The following GRIN2C variants were observed in gnomAD, a reference collection of about 807,000 sequenced individuals.
The protein encoded by GRIN2C is glutamate receptor ionotropic, NMDA 2C.
Under a neutral mutation model 77.7 loss-of-function variants are expected in GRIN2C, and 64 were observed. That is an observed-to-expected ratio of 0.82 (90% CI 0.67 to 1.01). The LOEUF (loss-of-function observed/expected upper bound fraction) is 1.01. Among genes scored for constraint, GRIN2C ranks in the 50% least tolerant of loss-of-function variants. The pLI is 0.00. For synonymous variants in GRIN2C, 792 were observed against 643.4 expected, an observed-to-expected ratio of 1.23 and a Z score of -3.49; for missense variants, 1,549 against 1,486.0, an observed-to-expected ratio of 1.04 and a Z score of -0.70.
upstream of GRIN2C, chr17:74,861,335 C>G (rs2037949381): frequency 6.6e-6 from 1 of 152,210 alleles, no homozygotes; most frequent in South Asian, 2.1e-4. Context: ...GGTGTCCCGC[C>G]TCTGTCTCCG....
In GRIN2C at chr17:74,842,033, G is replaced by A; in HGVS notation, c.*402C>T. On this transcript the variant is annotated 3_prime_UTR_variant, in exon 13 of 13. Coordinates refer to ENST00000293190, the MANE Select transcript of GRIN2C (RefSeq NM_000835.6). ...CAGCCAGGACCAGTGTGTTGTAAAA[G>A]GTTGGTTTAATGTCCCAGTGCTCTG... The A allele has an allele frequency of 5.0e-6, 1 of 199,638 alleles. No homozygotes were observed. Among genetic ancestry groups the A allele is most frequent in the Non-Finnish European group, 1.0e-5 (1 of 99,138 alleles). The allele number at this position is 199,638 out of a possible 1,614,324, so 12.4% of individuals were successfully genotyped here. A position where few individuals can be genotyped will look rare whatever the true frequency, so the allele number is the denominator to read the frequency against.
intron 3 of GRIN2C, 79 bp downstream of exon 3, chr17:74,851,934 C>T: frequency 2.6e-6 from 3 of 1,145,686 alleles, no homozygotes; most frequent in Non-Finnish European, 2.4e-6. Flanking sequence ...GTGTGGCTGG[C>T]CAGCCCAAAC....
chr17:74,851,461 GGAA>G (rs2144592545), intron 4 of GRIN2C, 113 bp downstream of exon 4: 1 of 644,124 alleles, frequency 1.6e-6, no homozygotes, highest in African/African-American at 1.8e-5. Flanking sequence ...GCTGAGACCT[GGAA>G]GATGAGGGGT....
Position 74,843,226 on chromosome 17 carries a change from C to G in GRIN2C, c.2911G>C (p.Val971Leu), listed in dbSNP as rs991838701. Residue 971 changes from valine to leucine, a missense_variant, in exon 13 of 13, where the codon GTG becomes CTG. Around this residue, in one of 3 missense-constraint regions of GRIN2C, gnomAD observed 450 missense variants for 267.9 expected, o/e 1.68. Transcript: ENST00000293190. ...CCCGGGGGCTGCGGAGCCCTGCGCA[C>G]AAGCGCCGCGCGACCCCCGTCTGGC... ...GPPDGGRAAL[V>L]RRAPQPPGRP... 8.5e-5 allele frequency: 50 copies of G among 590,686 alleles called. No individual in the cohort carries two copies. The highest frequency in any genetic ancestry group is 1.2e-4 in the Non-Finnish European group (46 of 381,400). 36.6% of individuals were successfully genotyped at this position (590,686 alleles called of 1,614,324 possible).
intron 12 of GRIN2C, chr17:74,844,050 T>G (rs918523212): frequency 1.5e-5 from 13 of 857,644 alleles, no homozygotes; most frequent in Non-Finnish European, 2.1e-5. Flanking sequence ...ATTCTTTTAT[T>G]TTCTGTAGAG....
At position 74,842,504 on chromosome 17, in the gene GRIN2C, G is replaced by A. The variant is rs779822724; in HGVS notation, c.3633C>T (p.Ala1211=). 5.1e-6 allele frequency: 4 copies of A among 779,102 alleles called. No homozygotes were observed. The highest frequency in any genetic ancestry group is 1.7e-5 in the African/African-American group (1 of 59,092). 48.3% of individuals were successfully genotyped at this position (779,102 alleles called of 1,614,324 possible). A position where few individuals can be genotyped will look rare whatever the true frequency, so the allele number is the denominator to read the frequency against. ...GTCCCGGGAAGCCTTGCGTCCCACG[G>A]GCTACCCTGCTGATCTCGTCCAGTC... ...SGGLDEISRV[A]RGTQGFPGPC... Residue 1211 remains alanine, a synonymous_variant, in exon 13 of 13, where the codon GCC becomes GCT. Transcript: ENST00000293190.
At chr17:74,852,713 C>A (rs1401005773) in intron 2 of GRIN2C, 102 bp from the exon 3 acceptor site, 22 of 541,020 alleles carry the variant, frequency 4.1e-5, no homozygotes, top group Non-Finnish European at 6.4e-5. Context: ...GCCCTTGCGC[C>A]GGCGGATGCT....
Position 74,846,279 on chromosome 17 carries a change from T to A in GRIN2C, c.2163-26A>T, listed in dbSNP as rs371882654. The A allele has an allele frequency of 5.0e-6, 8 of 1,607,536 alleles. No homozygotes were observed. The highest frequency in any genetic ancestry group is 6.8e-6 in the Non-Finnish European group (8 of 1,174,530). ...CTGGGGACAGGCTGAGCCTCAGAGC[T>A]AGGGACCATATGGGAGGGGAGGGGA... is the stretch of plus-strand genomic sequence containing the variant. On this transcript the variant is annotated intron_variant, in intron 10 of 12. Transcript: ENST00000293190. This position sits in a 1 kb window ranked among gnomAD's most constrained non-coding sequence, Gnocchi z 4.4.
chr17:74,842,352 A>G lies in GRIN2C; in HGVS notation c.*83T>C. ...GCCAGGATTTCATGGCAGAAGCCAG[A>G]AAAGCCCAATCCTGCCTGCCGCTTA... On this transcript the variant is annotated 3_prime_UTR_variant, in exon 13 of 13. Transcript: ENST00000293190. The G allele has an allele frequency of 1.5e-6, 1 of 687,374 alleles. No homozygotes were observed. The highest frequency in any genetic ancestry group is 2.7e-6 in the Non-Finnish European group (1 of 374,016). The allele number at this position is 687,374 out of a possible 1,614,324, so 42.6% of individuals were successfully genotyped here.
At position 74,851,695 on chromosome 17, in the gene GRIN2C, C is replaced by T. The variant is rs1231510778; in HGVS notation, c.999-4G>A. Reference sequence around the variant, plus strand: ...CCAGGTGACATTCAGTAGGTGCCTGCCAGAGGGGAGAGATGCCTGCAGCCC... The same window carrying T: ...CCAGGTGACATTCAGTAGGTGCCTGTCAGAGGGGAGAGATGCCTGCAGCCC... On this transcript the variant is annotated splice_region_variant and splice_polypyrimidine_tract_variant and intron_variant, in intron 3 of 12. Coordinates refer to ENST00000293190, the MANE Select transcript of GRIN2C (RefSeq NM_000835.6). The T allele has an allele frequency of 9.8e-6, 15 of 1,532,698 alleles. No homozygotes were observed. The allele number at this position is 1,532,698 out of a possible 1,614,324, so 94.9% of individuals were successfully genotyped here.
rs138691824 is a variant in GRIN2C, at chr17:74,850,320, G to A, written c.1377C>T (p.Ile459=). The A allele has an allele frequency of 4.1e-4, 668 of 1,613,760 alleles. 6 individuals carry two copies. In the African/African-American group the frequency reaches 7.7e-3, roughly 19 times the overall value. The part of the protein sequence containing the change: ...YTKLCCKGFC[I]DILKKLARVV... Reference sequence around the variant, plus strand: ...CTCTGGCCAGCTTCTTGAGGATGTCGATGCAGAATCCCTTACAGCAGAGCT... The same window carrying A: ...CTCTGGCCAGCTTCTTGAGGATGTCAATGCAGAATCCCTTACAGCAGAGCT... The change falls in exon 6 of 13, where the codon ATC becomes ATT. Residue 459 remains isoleucine, a synonymous_variant. Transcript: ENST00000293190. The surrounding 1 kb of genome is among the most constrained non-coding windows in gnomAD (Gnocchi z 5.3).
intron 3 of GRIN2C, 91 bp downstream of exon 3, chr17:74,851,922 A>G: frequency 1.1e-6 from 1 of 948,574 alleles, no homozygotes; most frequent in Non-Finnish European, 1.5e-6. Context: ...AGCTAGTGGG[A>G]GGTGTGGCTG....
rs918185418 is a variant in GRIN2C at position 74,850,087 on chromosome 17, C to T, written c.1491+119G>A. 16 of 1,354,392 alleles carry T rather than the reference C, an allele frequency of 1.2e-5. No individual in the cohort carries two copies. In the African/African-American group the frequency reaches 2.0e-4, roughly 17 times the overall value. 83.9% of individuals were successfully genotyped at this position (1,354,392 alleles called of 1,614,324 possible). On this transcript the variant is annotated intron_variant, in intron 6 of 12. Transcript: ENST00000293190. This position sits in a 1 kb window ranked among gnomAD's most constrained non-coding sequence, Gnocchi z 5.3. ...GCTCAGCTTTCAGTACTGACCACCCCAGGAGTCATCATTGGTGACAGCCCA... is the reference window on the plus strand; with the variant it reads ...GCTCAGCTTTCAGTACTGACCACCCTAGGAGTCATCATTGGTGACAGCCCA...
intron 7 of GRIN2C, among the ~76,000 whole-genome samples, chr17:74,848,846 G>C (rs1391432833): frequency 6.6e-6 from 1 of 152,068 alleles, no homozygotes; most frequent in Non-Finnish European, 1.5e-5. Context: ...GTGAAAACCT[G>C]TCTCTACACA....
rs1427248568 is a variant in GRIN2C at position 74,843,392 on chromosome 17, G to A, written c.2745C>T (p.Arg915=). The part of the protein sequence containing the change: ...TTAGVSSSLD[R]ATRTIENWGG... ...CCCAATTCTCGATGGTGCGAGTGGC[G>A]CGGTCCAGGGAGCTGCTTACGCCCG... Residue 915 remains arginine, a synonymous_variant, in exon 13 of 13, where the codon CGC becomes CGT. Transcript: ENST00000293190. 2.6e-6 allele frequency: 4 copies of A among 1,533,564 alleles called. No individual in the cohort carries two copies. Among genetic ancestry groups the A allele is most frequent in the East Asian group, 2.5e-5 (1 of 40,756 alleles). The allele number at this position is 1,533,564 out of a possible 1,614,324, so 95.0% of individuals were successfully genotyped here.
Position 74,842,503 on chromosome 17 carries a change from G to A in GRIN2C, c.3634C>T (p.Arg1212Cys), listed in dbSNP as rs149835650. 10 of 779,002 alleles carry A rather than the reference G, an allele frequency of 1.3e-5. No homozygotes were observed. The African/African-American group carries it at 1.7e-4, about 13-fold the overall frequency. 48.3% of individuals were successfully genotyped at this position (779,002 alleles called of 1,614,324 possible). Residue 1212 changes from arginine (R) to cysteine (C), a missense_variant, in exon 13 of 13, where the codon CGT becomes TGT. Coordinates refer to ENST00000293190, the MANE Select transcript of GRIN2C (RefSeq NM_000835.6). ...GGTCCCGGGAAGCCTTGCGTCCCAC[G>A]GGCTACCCTGCTGATCTCGTCCAGT... ...GGLDEISRVARGTQGFPGPCT... is the reference protein window; with the variant it reads ...GGLDEISRVACGTQGFPGPCT...
chr17:74,852,022 G>T lies in GRIN2C; in HGVS notation c.989C>A (p.Ala330Asp). Reference protein sequence around the residue: ...HPGPVSPAREAFYRHLLNVTW... With the variant: ...HPGPVSPAREDFYRHLLNVTW... The stretch of plus-strand genomic sequence containing the variant: ...CCGGGCAGGTGCCCACCTGTAGAAG[G>T]CCTCCCGGGCAGGGCTGACGGGCCC... The change falls in exon 3 of 13, where the codon GCC becomes GAC. Residue 330 changes from alanine to aspartate, a missense_variant. Coordinates refer to ENST00000293190, the MANE Select transcript of GRIN2C (RefSeq NM_000835.6). The T allele has an allele frequency of 6.8e-7, 1 of 1,464,060 alleles. No homozygotes were observed. Among genetic ancestry groups the T allele is most frequent in the African/African-American group, 1.4e-5 (1 of 69,356 alleles). 90.7% of individuals were successfully genotyped at this position (1,464,060 alleles called of 1,614,324 possible).
At chr17:74,854,364 GC>G in intron 2 of GRIN2C, 1 of 273,806 alleles carries the variant, frequency 3.7e-6, no homozygotes. Context: ...CCACCTCCAT[GC>G]CCGGCTGGCC....
chr17:74,847,272 G>GGCCC lies in GRIN2C; in HGVS notation c.2001+35_2001+36insGGGC. On this transcript the variant is annotated intron_variant, in intron 9 of 12. Coordinates refer to ENST00000293190, the MANE Select transcript of GRIN2C (RefSeq NM_000835.6). This position sits in a 1 kb window ranked among gnomAD's most constrained non-coding sequence, Gnocchi z 5.2. ...CTCACGGCCTGTCCCCACCCTCAGTGCCCCCCCCCACCCCCAGCAGCTATG... is the reference window on the plus strand; with the variant it reads ...CTCACGGCCTGTCCCCACCCTCAGTGGCCCCCCCCCCCCACCCCCAGCAGCTATG... 6.4e-5 allele frequency: 44 copies of GGCCC among 692,236 alleles called. No individual in the cohort carries two copies. Among genetic ancestry groups the GGCCC allele is most frequent in the Non-Finnish European group, 7.0e-5 (27 of 384,348 alleles). The allele number at this position is 692,236 out of a possible 1,614,324, so 42.9% of individuals were successfully genotyped here. A position where few individuals can be genotyped will look rare whatever the true frequency, so the allele number is the denominator to read the frequency against.
Sources: gnomAD v4.1 joint callset for allele counts (sites outside exome capture counted in the v4.1 genomes callset) on GRCh38, gnomAD v4.1.1 for gene constraint, gnomAD v4.1.1 regional missense constraint, Gnocchi (gnomAD v3.1) non-coding constraint, MANE v1.5 for transcripts, NCBI Gene and HGNC (gene_info 2026-07-23, HGNC 2026-07-21) for gene names.